The following SRGAP1 variants were observed in gnomAD, a reference collection of about 807,000 sequenced individuals.
SRGAP1 encodes SLIT-ROBO Rho GTPase-activating protein 1.
A neutral mutation model predicts 121.9 loss-of-function variants in SRGAP1; 43 were observed. That is an observed-to-expected ratio of 0.35 (90% confidence interval 0.28 to 0.46). The LOEUF is 0.46. SRGAP1 is among the 20% of genes least tolerant of loss of function. The probability of loss-of-function intolerance (pLI) is 1.00; values close to 1 mark genes in which losing one functional copy is unlikely to be tolerated. For synonymous variants in SRGAP1, 447 were observed against 485.4 expected, an observed-to-expected ratio of 0.92 and a Z score of 1.04; for missense variants, 1,102 against 1,350.9, an observed-to-expected ratio of 0.82 and a Z score of 2.89.
chr12:64,106,631 A>G (rs1342870658), intron 15 of SRGAP1, among the ~76,000 whole-genome samples: 1 of 152,212 alleles, frequency 6.6e-6, no homozygotes, highest in Admixed American at 6.5e-5. Context: ...ACCAGGACCA[A>G]ACTGGGTGGA....
At chr12:63,868,089 TTTTG>T (rs1565927783) in intron 1 of SRGAP1, among the ~76,000 whole-genome samples, 48 of 95,362 alleles carry the variant, frequency 5.0e-4, no homozygotes, top group African/African-American at 2.1e-3. Context: ...GTTTTTTTTT[TTTTG>T]TTTTTTGAGA....
intron 6 of SRGAP1, among the ~76,000 whole-genome samples, chr12:64,050,309 A>C (rs2035214424): frequency 1.3e-5 from 2 of 152,168 alleles, no homozygotes. Flanking sequence ...AGATCATATC[A>C]CCTGTAAACA....
chr12:63,859,515 CTCTTA>C (rs1211624828), intron 1 of SRGAP1, among the ~76,000 whole-genome samples: 12 of 152,136 alleles, frequency 7.9e-5, no homozygotes, highest in Admixed American at 7.9e-4. Context: ...TGAATTTCTG[CTCTTA>C]TCTTTACTAT....
chr12:63,991,129 C>T (rs375585704), intron 3 of SRGAP1, among the ~76,000 whole-genome samples: 14 of 152,236 alleles, frequency 9.2e-5, no homozygotes, highest in African/African-American at 3.4e-4. Context: ...GTACGACTAG[C>T]GTTCATTTTT....
intron 1 of SRGAP1, among the ~76,000 whole-genome samples, chr12:63,948,118 A>G (rs1190354540): frequency 6.6e-6 from 1 of 152,124 alleles, no homozygotes; most frequent in Non-Finnish European, 1.5e-5. Flanking sequence ...AAATATCACC[A>G]GCTTTCTTTC....
intron 1 of SRGAP1, among the ~76,000 whole-genome samples, chr12:63,925,258 A>T (rs1044393334): frequency 6.6e-6 from 1 of 152,216 alleles, no homozygotes; most frequent in African/African-American, 2.4e-5. Flanking sequence ...ACATTATTAT[A>T]AACTATTTAC....
intron 1 of SRGAP1, chr12:63,872,129 G>A (rs1297917952): frequency 4.1e-6 from 2 of 487,246 alleles, no homozygotes; most frequent in Admixed American, 3.4e-5. Context: ...TCACCTAACC[G>A]GGAGTTTTTC....
intron 6 of SRGAP1, among the ~76,000 whole-genome samples, chr12:64,044,579 C>T (rs1384498922): frequency 2.0e-5 from 3 of 150,988 alleles, no homozygotes; most frequent in South Asian, 2.1e-4. Flanking sequence ...ATGTATTTAG[C>T]TGTGCCAAAC....
intron 4 of SRGAP1, among the ~76,000 whole-genome samples, chr12:64,025,641 A>G (rs1008319070): frequency 4.6e-5 from 7 of 152,214 alleles, no homozygotes; most frequent in South Asian, 4.1e-4. Context: ...CACATTCTCC[A>G]TGATGCCTCC....
chr12:63,943,341 A>G (rs1164491731), intron 1 of SRGAP1, among the ~76,000 whole-genome samples: 1 of 152,226 alleles, frequency 6.6e-6, no homozygotes, highest in African/African-American at 2.4e-5. Flanking sequence ...AAATCTTTTT[A>G]TATCCCACAG....
chr12:63,924,862 C>T (rs139209724), intron 1 of SRGAP1, among the ~76,000 whole-genome samples: 1 of 152,248 alleles, frequency 6.6e-6, no homozygotes, highest in East Asian at 1.9e-4. Flanking sequence ...CAGTGCCTGG[C>T]ACATAGTACT....
At chr12:64,031,858 G>A (rs937289947) in intron 4 of SRGAP1, among the ~76,000 whole-genome samples, 2 of 152,128 alleles carry the variant, frequency 1.3e-5, no homozygotes. Context: ...CCTGTAGAGA[G>A]ACCTCATGTT....
chr12:64,123,273 G>A (rs1409783529), intron 18 of SRGAP1, among the ~76,000 whole-genome samples: 5 of 152,176 alleles, frequency 3.3e-5, no homozygotes, highest in Admixed American at 3.3e-4. Context: ...CTTGAGCCCA[G>A]GAGTTTGGGG....
chr12:63,913,071 C>G (rs1191714557), intron 1 of SRGAP1, among the ~76,000 whole-genome samples: 2 of 151,968 alleles, frequency 1.3e-5, no homozygotes, highest in Non-Finnish European at 2.9e-5. Context: ...TCTGCCTCTT[C>G]TTCTCCCTCA....
intron 1 of SRGAP1, among the ~76,000 whole-genome samples, chr12:63,968,973 G>A (rs2032860910): frequency 6.6e-6 from 1 of 152,158 alleles, no homozygotes; most frequent in Non-Finnish European, 1.5e-5. Flanking sequence ...GTGCCTGTGA[G>A]TAGTGTGGGT....
intron 1 of SRGAP1, among the ~76,000 whole-genome samples, chr12:63,898,031 A>ATTT (rs1900811144): frequency 6.6e-6 from 1 of 152,238 alleles, no homozygotes; most frequent in South Asian, 2.1e-4. Context: ...CACTGTGATA[A>ATTT]GAAAGCAGAG....
intron 1 of SRGAP1, among the ~76,000 whole-genome samples, chr12:63,863,558 C>T (rs1384216103): frequency 3.9e-5 from 6 of 152,190 alleles, no homozygotes; most frequent in African/African-American, 1.4e-4. Context: ...AGGCGTGAGC[C>T]ACCGCGCCCA....
intron 18 of SRGAP1, among the ~76,000 whole-genome samples, chr12:64,124,219 T>C (rs2036652370): frequency 6.6e-6 from 1 of 152,234 alleles, no homozygotes; most frequent in African/African-American, 2.4e-5. Context: ...TCCCAGAGAA[T>C]TTTGAATATA....
At chr12:63,963,160 A>G (rs1287266950) in intron 1 of SRGAP1, among the ~76,000 whole-genome samples, 2 of 152,224 alleles carry the variant, frequency 1.3e-5, no homozygotes, top group Admixed American at 6.5e-5. Context: ...CACAGAGCAT[A>G]ACTCCACAGG....
Sources: allele counts gnomAD v4.1 joint callset (sites outside exome capture counted in the v4.1 genomes callset), GRCh38; gene constraint gnomAD v4.1.1; transcripts MANE v1.5; gene names NCBI Gene and HGNC (gene_info 2026-07-23, HGNC 2026-07-21).